Variants in SUPT5H observed in about 807,000 individuals in gnomAD.
SUPT5H encodes the protein SPT5 homolog, DSIF elongation factor subunit, also known as transcription elongation factor SPT5.
SUPT5H carries 24 observed loss-of-function variants against 142.5 expected under a neutral mutation model. The observed-to-expected ratio is 0.17, with a 90% CI of 0.12 to 0.24. The LOEUF (loss-of-function observed/expected upper bound fraction) is 0.24. Among genes scored for constraint, SUPT5H ranks in the 10% least tolerant of loss-of-function variants. The pLI is 1.00. For missense variants in SUPT5H, 893 were observed against 1,471.8 expected, an observed-to-expected ratio of 0.61 and a Z score of 6.43; for synonymous variants, 546 against 553.0, an observed-to-expected ratio of 0.99 and a Z score of 0.18.
intron 28 of SUPT5H, 73 bp from the exon 29 acceptor site, chr19:39,476,008 T>C: frequency 7.2e-7 from 1 of 1,383,922 alleles, no homozygotes; most frequent in South Asian, 1.2e-5. Flanking sequence ...CCTGAGCCTG[T>C]GTCCCCTGGA....
chr19:39,465,420 A>C (rs2079221734), intron 11 of SUPT5H, among the ~76,000 whole-genome samples: 1 of 152,172 alleles, frequency 6.6e-6, no homozygotes, highest in Non-Finnish European at 1.5e-5. Context: ...TTTGGTGTTT[A>C]CTGGCGTAGG....
At chr19:39,471,283 A>G in intron 18 of SUPT5H, 74 bp from the exon 19 acceptor site, 1 of 1,570,020 alleles carries the variant, frequency 6.4e-7, no homozygotes, top group Non-Finnish European at 8.7e-7. Flanking sequence ...GGATTATCCC[A>G]CTTTAGGGAA....
rs921604031 is a variant in SUPT5H at position 39,476,632 on chromosome 19, G to T, written c.*233G>T. 5.4e-6 allele frequency: 3 copies of T among 558,938 alleles called. No individual in the cohort carries two copies. The highest frequency in any genetic ancestry group is 1.9e-5 in the African/African-American group (1 of 52,674). 34.6% of individuals were successfully genotyped at this position (558,938 alleles called of 1,614,324 possible). A position where few individuals can be genotyped will look rare whatever the true frequency, so the allele number is the denominator to read the frequency against. On this transcript the variant is annotated 3_prime_UTR_variant, in exon 30 of 30. Coordinates refer to ENST00000432763, the MANE Select transcript of SUPT5H (RefSeq NM_001111020.3). ...CTCCTCCCCACAGCTTGCTTTTGTT[G>T]TACCGTCTTTCAATAAAAAGAAGCT...
intron 2 of SUPT5H, 143 bp from the exon 3 acceptor site, chr19:39,453,213 C>A: frequency 1.1e-6 from 1 of 940,566 alleles, no homozygotes; most frequent in Non-Finnish European, 1.5e-6. Context: ...AGAGGCCAGG[C>A]TAGAGTGAAA....
In SUPT5H at chr19:39,474,686, G is replaced by A. The variant is rs2079376957; in HGVS notation, c.2992G>A (p.Val998Met). 2 of 1,613,766 alleles carry A rather than the reference G, an allele frequency of 1.2e-6. No individual in the cohort carries two copies. Among genetic ancestry groups the A allele is most frequent in the African/African-American group, 2.7e-5 (2 of 75,038 alleles). ...GGACACCTACCTGGATACACAGGTG[G>A]TGGGACAGACAGGTGTCATCCGCAG... ...VRDTYLDTQV[V>M]GQTGVIRSVT... Residue 998 changes from valine to methionine, a missense_variant, in exon 28 of 30, where the codon GTG (valine) becomes ATG (methionine). Around this residue, in one of 6 missense-constraint regions of SUPT5H, gnomAD observed 336 missense variants for 546.5 expected, o/e 0.61. Transcript: ENST00000432763. The surrounding 1 kb of genome is among the most constrained non-coding windows in gnomAD (Gnocchi z 6.5).
At chr19:39,456,395 A>G (rs1157722313) in intron 3 of SUPT5H, among the ~76,000 whole-genome samples, 1 of 104,910 alleles carries the variant, frequency 9.5e-6, no homozygotes, top group African/African-American at 4.5e-5. Context: ...AGGCCTGACT[A>G]GACTGTTTTT....
At position 39,458,356 on chromosome 19, in the gene SUPT5H, T is replaced by C; in HGVS notation, c.319+51T>C. ...CTGACCTTCCTCCCATATCCTGACA[T>C]TTCCTCCTTCCTGAGGCACCTGCCC... is the stretch of plus-strand genomic sequence containing the variant. On this transcript the variant is annotated intron_variant, in intron 5 of 29. Coordinates refer to ENST00000432763, the MANE Select transcript of SUPT5H (RefSeq NM_001111020.3). The surrounding 1 kb of genome is among the most constrained non-coding windows in gnomAD (Gnocchi z 4.2). 6.5e-7 allele frequency: 1 copy of C among 1,548,114 alleles called. No homozygotes were observed. Among genetic ancestry groups the C allele is most frequent in the Non-Finnish European group, 8.8e-7 (1 of 1,138,128 alleles).
Position 39,466,596 on chromosome 19 carries a change from G to A in SUPT5H, c.966+27G>A, listed in dbSNP as rs4803243. ...TACTCAGGGGAATCTGTGGCCTGGG[G>A]GGGAGGGAGTGTGCTCGATCCCACT... On this transcript the variant is annotated intron_variant, in intron 12 of 29. Transcript: ENST00000432763. This position sits in a 1 kb window ranked among gnomAD's most constrained non-coding sequence, Gnocchi z 4.3. 1 of 1,613,618 alleles carries A rather than the reference G, an allele frequency of 6.2e-7. No individual in the cohort carries two copies. Among genetic ancestry groups the A allele is most frequent in the Non-Finnish European group, 8.5e-7 (1 of 1,179,544 alleles).
At position 39,449,005 on chromosome 19, in the gene SUPT5H, G is replaced by A. The variant is rs2078986765; in HGVS notation, c.75+3040G>A. Among the ~76,000 whole-genome samples, 3 of 141,438 alleles carry A rather than the reference G, an allele frequency of 2.1e-5. No homozygotes were observed. The Admixed American group carries it at 2.2e-4, about 10-fold the overall frequency. 92.8% of individuals were successfully genotyped at this position (141,438 alleles called of 152,430 possible). On this transcript the variant is annotated intron_variant, in intron 2 of 29. Transcript: ENST00000432763. ...CTTGGGAGGCTGAGGCAGGAGAATG[G>A]CGTGAACGCAGGAGACAGAGCTTGC...
At chr19:39,459,445 A>G in intron 8 of SUPT5H, 114 bp from the exon 9 acceptor site, 1 of 1,426,658 alleles carries the variant, frequency 7.0e-7, no homozygotes, top group African/African-American at 1.4e-5. Context: ...GAAGTCAGTG[A>G]GTGTGAGGGA....
In SUPT5H at chr19:39,459,184, G is replaced by T; in HGVS notation, c.459G>T (p.Thr153=). ...TTCCTGACTGCCCTCCTCCCTTCAG[G>T]GTGTATGGAGGATCTGATGAGCTCT... is the stretch of plus-strand genomic sequence containing the variant. ...KKYAKSSVGE[T]VYGGSDELSD... The change falls in exon 8 of 30, where the codon ACG becomes ACT. Residue 153 remains threonine (T), a splice_region_variant and synonymous_variant. Transcript: ENST00000432763. 2 of 1,595,822 alleles carry T rather than the reference G, an allele frequency of 1.3e-6. No homozygotes were observed. Among genetic ancestry groups the T allele is most frequent in the Non-Finnish European group, 1.7e-6 (2 of 1,170,776 alleles).
chr19:39,470,355 C>A lies in SUPT5H; in HGVS notation c.1531-22C>A. The A allele has an allele frequency of 6.4e-7, 1 of 1,550,818 alleles. No homozygotes were observed. On this transcript the variant is annotated intron_variant, in intron 17 of 29. Transcript: ENST00000432763. The surrounding 1 kb of genome is among the most constrained non-coding windows in gnomAD (Gnocchi z 5.8). ...GGCGAGCCACCTGGACTGGGCCTCA[C>A]CCCTTTCACCATCCCTGGCAGCTGA...
chr19:39,474,462 G>A lies in SUPT5H; in HGVS notation c.2821-53G>A. The A allele has an allele frequency of 6.2e-7, 1 of 1,611,046 alleles. No individual in the cohort carries two copies. Among genetic ancestry groups the A allele is most frequent in the Non-Finnish European group, 8.5e-7 (1 of 1,177,852 alleles). ...GGCTAGGGTGACTTTGGGCATATAG[G>A]GTCGGCCAGGCCAGATGACTATTCC... On this transcript the variant is annotated intron_variant, in intron 27 of 29. Transcript: ENST00000432763. The surrounding 1 kb of genome is among the most constrained non-coding windows in gnomAD (Gnocchi z 6.5).
rs949436811 is a variant in SUPT5H, at chr19:39,472,937, G to T, written c.2155+8G>T. The T allele has an allele frequency of 1.2e-6, 2 of 1,612,540 alleles. No individual in the cohort carries two copies. The highest frequency in any genetic ancestry group is 2.7e-5 in the African/African-American group (2 of 75,028). Reference sequence around the variant, plus strand: ...CCCAGGGGCCCTACAAAGGTGACCTGCGAGGCCTGTGGAGGCCTGGGGAGG... The same window carrying T: ...CCCAGGGGCCCTACAAAGGTGACCTTCGAGGCCTGTGGAGGCCTGGGGAGG... On this transcript the variant is annotated splice_region_variant and intron_variant, in intron 22 of 29. Coordinates refer to ENST00000432763, the MANE Select transcript of SUPT5H (RefSeq NM_001111020.3). The surrounding 1 kb of genome is among the most constrained non-coding windows in gnomAD (Gnocchi z 4.2).
In SUPT5H at chr19:39,458,146, A is replaced by G. The variant is rs1036467866; in HGVS notation, c.308-148A>G. 1 of 1,366,022 alleles carries G rather than the reference A, an allele frequency of 7.3e-7. No individual in the cohort carries two copies. The highest frequency in any genetic ancestry group is 2.5e-5 in the Admixed American group (1 of 40,768). The allele number at this position is 1,366,022 out of a possible 1,614,324, so 84.6% of individuals were successfully genotyped here. The stretch of plus-strand genomic sequence containing the variant: ...GCCTGGCCTTTACTTTTGGTTTTCA[A>G]CCTTTCTGTGTCCCTCCCTTCCCCT... On this transcript the variant is annotated intron_variant, in intron 4 of 29. Transcript: ENST00000432763. The surrounding 1 kb of genome is among the most constrained non-coding windows in gnomAD (Gnocchi z 4.2).
intron 2 of SUPT5H, among the ~76,000 whole-genome samples, chr19:39,452,046 C>T (rs751063538): frequency 6.6e-6 from 1 of 152,018 alleles, no homozygotes; most frequent in Non-Finnish European, 1.5e-5. Context: ...AGTGTCCTGG[C>T]CTAGGCTCAG....
chr19:39,471,324 C>T (rs530571842), intron 18 of SUPT5H, 33 bp from the exon 19 acceptor site: 5 of 1,613,716 alleles, frequency 3.1e-6, no homozygotes, highest in Admixed American at 1.7e-5. Context: ...TTCCCATTCT[C>T]ACCCCCACAG....
At chr19:39,459,629 A>T in intron 9 of SUPT5H, 40 bp downstream of exon 9, 1 of 1,612,656 alleles carries the variant, frequency 6.2e-7, no homozygotes, top group Non-Finnish European at 8.5e-7. Flanking sequence ...AGGTGGGAGA[A>T]TGAGGGAGGC....
intron 2 of SUPT5H, among the ~76,000 whole-genome samples, chr19:39,451,934 G>T (rs1287953283): frequency 6.6e-6 from 1 of 152,182 alleles, no homozygotes; most frequent in African/African-American, 2.4e-5. Context: ...AAAGACTGAA[G>T]TTTGGTATGC....
Sources: allele counts gnomAD v4.1 joint callset (sites outside exome capture counted in the v4.1 genomes callset), GRCh38; gene constraint gnomAD v4.1.1; regional missense constraint gnomAD v4.1.1; non-coding constraint Gnocchi (gnomAD v3.1); transcripts MANE v1.5; gene names NCBI Gene and HGNC (gene_info 2026-07-23, HGNC 2026-07-21).